Variants in RBFOX1 observed in about 807,000 individuals in gnomAD.
The protein encoded by RBFOX1 is RNA binding fox-1 homolog 1.
A neutral mutation model predicts 57.7 loss-of-function variants in RBFOX1; 8 were observed. The observed-to-expected ratio is 0.14, with a 90% CI of 0.08 to 0.25. The LOEUF (loss-of-function observed/expected upper bound fraction) is 0.25, where lower values mean the gene tolerates loss of function less well. RBFOX1 is among the 10% of genes least tolerant of loss of function. The pLI is 1.00. For missense variants in RBFOX1, 611 were observed against 548.5 expected (o/e 1.11, Z -1.14); for synonymous variants, 326 against 222.4 (o/e 1.47, Z -4.15).
intron 3 of RBFOX1, among the ~76,000 whole-genome samples, chr16:5,794,643 T>A (rs1026956720): frequency 1.3e-5 from 2 of 152,090 alleles, no homozygotes; most frequent in Admixed American, 6.5e-5. Context: ...GGATGGGGGA[T>A]GCAGCTGGAG....
At chr16:6,631,856 C>T (rs2098389028) in intron 2 of RBFOX1, among the ~76,000 whole-genome samples, 1 of 151,880 alleles carries the variant, frequency 6.6e-6, no homozygotes, top group Non-Finnish European at 1.5e-5. Flanking sequence ...TGGCCACAAA[C>T]TTAATGCATT....
At chr16:6,252,711 C>G (rs1214873982) in intron 1 of RBFOX1, among the ~76,000 whole-genome samples, 5 of 152,142 alleles carry the variant, frequency 3.3e-5, no homozygotes, top group Non-Finnish European at 4.4e-5. Context: ...AAATTTGCAA[C>G]AGATATTCAA....
intron 5 of RBFOX1, among the ~76,000 whole-genome samples, chr16:7,537,138 A>G (rs961424218): frequency 6.6e-6 from 1 of 152,166 alleles, no homozygotes; most frequent in Non-Finnish European, 1.5e-5. Context: ...TGGACAGTGG[A>G]TTGGAGAAAA....
intron 4 of RBFOX1, among the ~76,000 whole-genome samples, chr16:7,072,041 A>T (rs114037247): frequency 0.01 from 1,538 of 152,290 alleles, 30 homozygotes; most frequent in African/African-American, 0.035. Flanking sequence ...CGATTTCTAA[A>T]CTAGATTATT....
At chr16:6,799,833 A>T (rs1194868800) in intron 3 of RBFOX1, among the ~76,000 whole-genome samples, 2 of 152,096 alleles carry the variant, frequency 1.3e-5, no homozygotes, top group African/African-American at 4.8e-5. Context: ...CACAGACTGA[A>T]GGCTGCGCTG....
At chr16:5,773,475 T>C (rs938802466) in intron 3 of RBFOX1, among the ~76,000 whole-genome samples, 2 of 152,234 alleles carry the variant, frequency 1.3e-5, no homozygotes, top group African/African-American at 4.8e-5. Context: ...TGTGTCGTAG[T>C]TGATTCTAAC....
chr16:6,086,139 C>T lies in RBFOX1; in HGVS notation c.-127+66147C>T, dbSNP rs117046775. ...GCTCCCAGCTTCATCCATGTCCTTG[C>T]AAAGGACGTGATTTCATTCCTTTTT... On this transcript the variant is annotated intron_variant, in intron 1 of 15. Coordinates refer to ENST00000550418, the MANE Select transcript of RBFOX1 (RefSeq NM_018723.4). Among the ~76,000 whole-genome samples, 1,026 of 152,240 alleles carry T rather than the reference C, an allele frequency of 6.7e-3. 32 individuals are homozygous for T. Among genetic ancestry groups the T allele is most frequent in the Admixed American group, 0.042 (639 of 15,290 alleles).
At chr16:7,344,762 C>T (rs1227190123) in intron 4 of RBFOX1, among the ~76,000 whole-genome samples, 2 of 152,146 alleles carry the variant, frequency 1.3e-5, no homozygotes, top group Admixed American at 6.6e-5. Flanking sequence ...AAGGGCAGAC[C>T]AGCCAGGTGT....
intron 4 of RBFOX1, among the ~76,000 whole-genome samples, chr16:7,262,004 C>G (rs922857084): frequency 6.6e-5 from 10 of 152,170 alleles, no homozygotes; most frequent in African/African-American, 2.4e-4. Context: ...TCCTGATTAT[C>G]CCTTTCTCTG....
intron 2 of RBFOX1, among the ~76,000 whole-genome samples, chr16:6,359,457 C>T (rs997170500): frequency 6.6e-6 from 1 of 152,150 alleles, no homozygotes; most frequent in African/African-American, 2.4e-5. Flanking sequence ...CTTTCAGCCA[C>T]CTGATAGGAG....
At chr16:5,989,221 C>T (rs1008701331) in intron 4 of RBFOX1, among the ~76,000 whole-genome samples, 1 of 151,256 alleles carries the variant, frequency 6.6e-6, no homozygotes. Flanking sequence ...GTCCCAGCTG[C>T]TCGGGAGGCT....
intron 4 of RBFOX1, among the ~76,000 whole-genome samples, chr16:7,262,851 G>C (rs1488868268): frequency 6.6e-5 from 10 of 152,236 alleles, no homozygotes; most frequent in Admixed American, 5.9e-4. Context: ...GGGGTGTCAG[G>C]ATCATAGATA....
At chr16:6,978,706 G>A (rs1460813952) in intron 3 of RBFOX1, among the ~76,000 whole-genome samples, 1 of 152,176 alleles carries the variant, frequency 6.6e-6, no homozygotes, top group African/African-American at 2.4e-5. Context: ...AATGTAATCA[G>A]GATGTGATAA....
chr16:6,304,608 C>T (rs2079233368), intron 1 of RBFOX1, among the ~76,000 whole-genome samples: 1 of 152,084 alleles, frequency 6.6e-6, no homozygotes. Flanking sequence ...TGGTGACCAG[C>T]ATGGTGGTGC....
chr16:6,004,239 C>T (rs764211461), intron 4 of RBFOX1, among the ~76,000 whole-genome samples: 30 of 152,210 alleles, frequency 2.0e-4, no homozygotes, highest in Non-Finnish European at 3.4e-4. Context: ...ACCTGCTCTA[C>T]AGCCTGACTA....
intron 1 of RBFOX1, among the ~76,000 whole-genome samples, chr16:6,290,633 G>A (rs17819962): frequency 0.16 from 24,103 of 152,196 alleles, 2,283 homozygotes; most frequent in Non-Finnish European, 0.2. Flanking sequence ...AGTGAATTTA[G>A]CACACATGGG....
In RBFOX1 at chr16:5,814,289, T is replaced by C. The variant is rs574610068; in HGVS notation, c.319-53014T>C. ...TGCATGCTATGTCCTAATGAAGAAG[T>C]GACAAAGGGATTGTACTCTGTAAAA... On this transcript the variant is annotated intron_variant, in intron 3 of 19. Coordinates refer to the RBFOX1 transcript ENST00000641259. Among the ~76,000 whole-genome samples the C allele has an allele frequency of 2.6e-5, 4 of 152,222 alleles. No homozygotes were observed. In the South Asian group the frequency reaches 6.2e-4, roughly 24 times the overall value.
intron 3 of RBFOX1, among the ~76,000 whole-genome samples, chr16:6,999,442 A>C (rs2092595710): frequency 1.3e-5 from 2 of 150,686 alleles, no homozygotes; most frequent in Admixed American, 1.3e-4. Flanking sequence ...TTTAATTTTT[A>C]TTTTTTATTT....
At chr16:6,176,223 G>A (rs994455072) in intron 1 of RBFOX1, among the ~76,000 whole-genome samples, 2 of 151,546 alleles carry the variant, frequency 1.3e-5, no homozygotes, top group African/African-American at 2.4e-5. Context: ...TGGCTCACTT[G>A]CAACCTCGGC....
Sources: gnomAD v4.1 joint callset for allele counts (sites outside exome capture counted in the v4.1 genomes callset) on GRCh38, gnomAD v4.1.1 for gene constraint, MANE v1.5 for transcripts, NCBI Gene and HGNC (gene_info 2026-07-23, HGNC 2026-07-21) for gene names.